Variants in MAN1B1 observed in about 807,000 individuals in gnomAD.
MAN1B1 encodes endoplasmic reticulum mannosyl-oligosaccharide 1,2-alpha-mannosidase.
In MAN1B1, 66 loss-of-function variants were observed where a neutral mutation model predicts 75.5. The ratio of observed to expected loss-of-function variants is 0.87; its 90% CI spans 0.72 to 1.07. The LOEUF is 1.07. Ranked by LOEUF, MAN1B1 falls within the 50% of genes least tolerant of loss-of-function variation. The pLI, the probability that MAN1B1 is intolerant of heterozygous loss-of-function variation, is 0.00. For synonymous variants in MAN1B1, 453 were observed against 382.8 expected, an observed-to-expected ratio of 1.18 and a Z score of -2.14; for missense variants, 973 against 912.5, an observed-to-expected ratio of 1.07 and a Z score of -0.85.
chr9:137,099,681 T>C lies in MAN1B1; in HGVS notation c.731-15T>C. The C allele has an allele frequency of 6.2e-7, 1 of 1,613,978 alleles. No homozygotes were observed. Among genetic ancestry groups the C allele is most frequent in the Non-Finnish European group, 8.5e-7 (1 of 1,179,980 alleles). Reference sequence around the variant, plus strand: ...ACCACGTCCGCCATGGCCTGTGCTCTCTCCCCCCTACTAGTGCATCTGAAC... The same window carrying C: ...ACCACGTCCGCCATGGCCTGTGCTCCCTCCCCCCTACTAGTGCATCTGAAC... On this transcript the variant is annotated splice_polypyrimidine_tract_variant and intron_variant, in intron 5 of 12. Coordinates refer to ENST00000371589, the MANE Select transcript of MAN1B1 (RefSeq NM_016219.5).
chr9:137,100,067 C>T (rs1448265282), intron 6 of MAN1B1, among the ~76,000 whole-genome samples, 186 bp downstream of exon 6: 1 of 152,226 alleles, frequency 6.6e-6, no homozygotes, highest in African/African-American at 2.4e-5. Flanking sequence ...CCACCCAAGG[C>T]ACACACAGGG....
Position 137,108,874 on chromosome 9 carries a change from C to T in MAN1B1, c.*283C>T, listed in dbSNP as rs1352913095. On this transcript the variant is annotated 3_prime_UTR_variant, in exon 13 of 13. Transcript: ENST00000371589. ...CGATTGCTGAAGCCTGAGCAGGTCT[C>T]TGTGGGCCGACCAGAGGGGGGCTTC... 8.4e-6 allele frequency: 5 copies of T among 592,684 alleles called. No individual in the cohort carries two copies. In the Admixed American group the frequency reaches 1.1e-4, roughly 13 times the overall value. The allele number at this position is 592,684 out of a possible 1,614,324, so 36.7% of individuals were successfully genotyped here.
At chr9:137,107,738 G>A in intron 12 of MAN1B1, 76 bp downstream of exon 12, 1 of 1,604,598 alleles carries the variant, frequency 6.2e-7, no homozygotes, top group Non-Finnish European at 8.5e-7. Context: ...GCTCAGGCTG[G>A]CTCCGCTCTT....
intron 8 of MAN1B1, chr9:137,104,482 C>G (rs780891976): frequency 3.2e-5 from 8 of 249,082 alleles, no homozygotes; most frequent in Admixed American, 1.5e-4. Context: ...ATCCACCCGC[C>G]TGGGCCTCCC....
chr9:137,091,909 C>T (rs1427774020), intron 3 of MAN1B1, among the ~76,000 whole-genome samples: 1 of 152,202 alleles, frequency 6.6e-6, no homozygotes, highest in African/African-American at 2.4e-5. Flanking sequence ...CCTCCTGCCT[C>T]AGTCTCCTGA....
At chr9:137,096,481 A>G (rs1313416406) in intron 4 of MAN1B1, 90 bp downstream of exon 4, 10 of 1,493,926 alleles carry the variant, frequency 6.7e-6, no homozygotes, top group Non-Finnish European at 3.7e-6. Context: ...TCTGAGATCT[A>G]TTTTCCTTTG....
Position 137,087,028 on chromosome 9 carries a change from G to GAGCT in MAN1B1, c.30_33dup (p.Leu12SerfsTer51). The GAGCT allele has an allele frequency of 6.2e-7, 1 of 1,602,150 alleles. No individual in the cohort carries two copies. The highest frequency in any genetic ancestry group is 8.5e-7 in the Non-Finnish European group (1 of 1,176,162). On this transcript the variant is annotated frameshift_variant, in exon 1 of 13. Transcript: ENST00000371589. LOFTEE classifies it high-confidence loss of function. ...GCTGCCTGCGAGGGCAGGAGAAGCG[G>GAGCT]AGCTCTCGGTTCCTCTCAGTCGGAC...
chr9:137,102,875 T>A (rs879103101), intron 8 of MAN1B1: 1 of 301,028 alleles, frequency 3.3e-6, no homozygotes, highest in African/African-American at 4.6e-5. Context: ...TGGTGTTACA[T>A]TCATGCTGTT....
chr9:137,098,311 G>C (rs1020954508), intron 5 of MAN1B1, among the ~76,000 whole-genome samples: 3 of 152,200 alleles, frequency 2.0e-5, no homozygotes, highest in Non-Finnish European at 4.4e-5. Flanking sequence ...TCCCAGGTGC[G>C]GGCCTTCGGC....
intron 8 of MAN1B1, chr9:137,104,862 G>A (rs542365952): frequency 6.6e-6 from 1 of 151,028 alleles, no homozygotes; most frequent in South Asian, 2.1e-4. Flanking sequence ...ACACCTGCCT[G>A]AGGCTGTGTT....
At chr9:137,092,486 A>G (rs914284571) in intron 3 of MAN1B1, among the ~76,000 whole-genome samples, 1 of 150,134 alleles carries the variant, frequency 6.7e-6, no homozygotes, top group Non-Finnish European at 1.5e-5. Flanking sequence ...TTTTATGCAC[A>G]TGAGAATATT....
At chr9:137,096,139 C>A in intron 3 of MAN1B1, 98 bp from the exon 4 acceptor site, 2 of 1,282,230 alleles carry the variant, frequency 1.6e-6, no homozygotes, top group South Asian at 1.2e-5. Flanking sequence ...GAAGCTCAGT[C>A]TGTGAGGTGT....
In MAN1B1 at chr9:137,087,027, G is replaced by A; in HGVS notation, c.28G>A (p.Gly10Arg). ...GGCTGCCTGCGAGGGCAGGAGAAGC[G>A]GAGCTCTCGGTTCCTCTCAGTCGGA... Reference protein sequence around the residue: MAACEGRRSGALGSSQSDFL... With the variant: MAACEGRRSRALGSSQSDFL... Residue 10 changes from glycine to arginine, a missense_variant, in exon 1 of 13, where the codon GGA (glycine) becomes AGA (arginine). Gly to Arg is a moderately radical substitution (Grantham distance 125, BLOSUM62 -2). Transcript: ENST00000371589. The A allele has an allele frequency of 1.2e-6, 2 of 1,601,854 alleles. No individual in the cohort carries two copies. The highest frequency in any genetic ancestry group is 1.7e-6 in the Non-Finnish European group (2 of 1,176,046).
rs769845321 is a variant in MAN1B1, at chr9:137,087,118, C to T, written c.119C>T (p.Pro40Leu). ...AVATTVVMYP[P>L]PPPPPHRDFI... The stretch of plus-strand genomic sequence containing the variant: ...GCCACCACTGTAGTCATGTACCCAC[C>T]GCCGCCGCCGCCGCCTCATCGGGAC... The change falls in exon 1 of 13, where the codon CCG becomes CTG. Residue 40 changes from proline to leucine, a missense_variant. Transcript: ENST00000371589. 3 of 1,585,388 alleles carry T rather than the reference C, an allele frequency of 1.9e-6. No homozygotes were observed. Among genetic ancestry groups the T allele is most frequent in the Admixed American group, 1.8e-5 (1 of 55,818 alleles).
intron 3 of MAN1B1, among the ~76,000 whole-genome samples, chr9:137,095,643 T>G (rs1418511035): frequency 6.6e-6 from 1 of 152,226 alleles, no homozygotes; most frequent in Non-Finnish European, 1.5e-5. Context: ...TAGACTCACG[T>G]AGGAGGACCT....
intron 8 of MAN1B1, chr9:137,102,844 T>TGGG: frequency 2.3e-6 from 1 of 425,986 alleles, no homozygotes; most frequent in Non-Finnish European, 4.6e-6. Context: ...ACATTCACAC[T>TGGG]GTTGCAGGCG....
intron 1 of MAN1B1, 109 bp downstream of exon 1, chr9:137,087,327 C>CT: frequency 8.0e-7 from 1 of 1,251,880 alleles, no homozygotes; most frequent in Admixed American, 2.3e-5. Flanking sequence ...CCCCAGGCGC[C>CT]GCCCTCTCCA....
In MAN1B1 at chr9:137,105,975, A is replaced by G. The variant is rs144730621; in HGVS notation, c.1255-150A>G. 3,882 of 725,638 alleles carry G rather than the reference A, an allele frequency of 5.3e-3. 40 individuals are homozygous for G. The highest frequency in any genetic ancestry group is 0.029 in the African/African-American group (1,693 of 57,786). 44.9% of individuals were successfully genotyped at this position (725,638 alleles called of 1,614,324 possible). On this transcript the variant is annotated intron_variant, in intron 8 of 12. Transcript: ENST00000371589. ...TACGGCCACCAGGAGCCATGTGGGCAAGGACAGCTGTGGGCTGGGCACAGA... is the reference window on the plus strand; with the variant it reads ...TACGGCCACCAGGAGCCATGTGGGCGAGGACAGCTGTGGGCTGGGCACAGA...
rs1439632884 is a variant in MAN1B1, at chr9:137,101,118, C to T, written c.1030C>T (p.His344Tyr). The part of the protein sequence containing the change: ...RILGGLLSAY[H>Y]LSGDSLFLRK... ...CCTGGGGGGGCTCCTGAGTGCCTAC[C>T]ACCTGTCTGGGGACAGCCTCTTCCT... Residue 344 changes from histidine (H) to tyrosine (Y), a missense_variant, in exon 7 of 13, where the codon CAC becomes TAC. His to Tyr is a moderately conservative substitution (Grantham distance 83). Transcript: ENST00000371589. 2 of 1,614,018 alleles carry T rather than the reference C, an allele frequency of 1.2e-6. No individual in the cohort carries two copies. Among genetic ancestry groups the T allele is most frequent in the Non-Finnish European group, 1.7e-6 (2 of 1,180,044 alleles).
Sources: allele counts gnomAD v4.1 joint callset (sites outside exome capture counted in the v4.1 genomes callset), GRCh38; gene constraint gnomAD v4.1.1; transcripts MANE v1.5; gene names NCBI Gene and HGNC (gene_info 2026-07-23, HGNC 2026-07-21).